The following E2F2 variants were observed in gnomAD, a reference collection of about 807,000 sequenced individuals.
The protein encoded by E2F2 is transcription factor E2F2.
In E2F2, 22 loss-of-function variants were observed where a neutral mutation model predicts 42.2. The ratio of observed to expected loss-of-function variants is 0.52; its 90% CI spans 0.37 to 0.74. The LOEUF is 0.74. E2F2 is among the 30% of genes least tolerant of loss of function. E2F2 has a pLI of 0.00. For synonymous variants in E2F2, 248 were observed against 251.6 expected, an observed-to-expected ratio of 0.99 and a Z score of 0.13; for missense variants, 481 against 557.8, an observed-to-expected ratio of 0.86 and a Z score of 1.39.
At chr1:23,511,866 A>C (rs1430993686) in intron 6 of E2F2, among the ~76,000 whole-genome samples, 1 of 152,152 alleles carries the variant, frequency 6.6e-6, no homozygotes, top group African/African-American at 2.4e-5. Context: ...TACCTACCTC[A>C]AAGGGTTGCT....
At chr1:23,518,902 T>C (rs986170891) in intron 5 of E2F2, 114 bp downstream of exon 5, 55 of 730,882 alleles carry the variant, frequency 7.5e-5, no homozygotes, top group Middle Eastern at 2.5e-4. Flanking sequence ...GACACCACAA[T>C]GGGCCTGCAA....
At chr1:23,519,453 T>C (rs1643093239) in intron 4 of E2F2, 1 of 178,478 alleles carries the variant, frequency 5.6e-6, no homozygotes, top group African/African-American at 2.4e-5. Context: ...TTTCTTTATA[T>C]TTCTCACAAT....
intron 2 of E2F2, among the ~76,000 whole-genome samples, chr1:23,523,989 G>T (rs1643200747): frequency 6.6e-6 from 1 of 151,598 alleles, no homozygotes; most frequent in African/African-American, 2.4e-5. Flanking sequence ...TGAGAGAGTT[G>T]CTTGAACCCC....
In E2F2 at chr1:23,530,551, GC is replaced by G; in HGVS notation, c.242del (p.Gly81AlafsTer65). The G allele has an allele frequency of 6.2e-7, 1 of 1,610,348 alleles. No homozygotes were observed. The highest frequency in any genetic ancestry group is 8.5e-7 in the Non-Finnish European group (1 of 1,178,586). On this transcript the variant is annotated frameshift_variant, in exon 1 of 7. Coordinates refer to ENST00000361729, the MANE Select transcript of E2F2 (RefSeq NM_004091.4). LOFTEE classifies it high-confidence loss of function. This position sits in a 1 kb window ranked among gnomAD's most constrained non-coding sequence, Gnocchi z 4.4. Reference sequence around the variant, plus strand: ...GGGCCCCCAGCATTACCGGCAGCCGGCCTGCCGGCAGGCATCGCACAACTTG... The same window carrying G: ...GGGCCCCCAGCATTACCGGCAGCCGGCTGCCGGCAGGCATCGCACAACTTG... ...EGQVVRCLPA[G>X]RLPAKRKLDL...
intron 4 of E2F2, 124 bp downstream of exon 4, chr1:23,520,789 G>GTCTATTTTTTCT: frequency 4.8e-6 from 5 of 1,036,320 alleles, no homozygotes; most frequent in Non-Finnish European, 6.5e-6. Context: ...GAGAAGAAAA[G>GTCTATTTTTTCT]CCACCCAGGA....
At chr1:23,516,877 TTGGTTCAGGATGGCCCA>T (rs1057342204) in intron 5 of E2F2, among the ~76,000 whole-genome samples, 3 of 151,162 alleles carry the variant, frequency 2.0e-5, no homozygotes, top group Non-Finnish European at 4.4e-5. Context: ...TGTGACATGA[TTGGTTCAGGATGGCCCA>T]TGGCTCAGGT....
intron 1 of E2F2, among the ~76,000 whole-genome samples, chr1:23,526,624 G>A (rs1370810027): frequency 1.3e-5 from 2 of 152,144 alleles, no homozygotes; most frequent in South Asian, 4.1e-4. Context: ...TACCACATCA[G>A]TATTGGCACT....
Position 23,509,847 on chromosome 1 carries a change from C to A in E2F2, c.*33G>T. 6.6e-7 allele frequency: 1 copy of A among 1,519,088 alleles called. No homozygotes were observed. Among genetic ancestry groups the A allele is most frequent in the South Asian group, 1.3e-5 (1 of 76,018 alleles). 94.1% of individuals were successfully genotyped at this position (1,519,088 alleles called of 1,614,324 possible). On this transcript the variant is annotated 3_prime_UTR_variant, in exon 7 of 7. Coordinates refer to ENST00000361729, the MANE Select transcript of E2F2 (RefSeq NM_004091.4). ...CAGCCTGTCTGTGAGGAGGTAGAGTCGGGGGCAGGCTGCTGGGGGCAGGCA... is the reference window on the plus strand; with the variant it reads ...CAGCCTGTCTGTGAGGAGGTAGAGTAGGGGGCAGGCTGCTGGGGGCAGGCA...
At chr1:23,522,861 A>G (rs753668453) in intron 2 of E2F2, among the ~76,000 whole-genome samples, 50 of 152,210 alleles carry the variant, frequency 3.3e-4, no homozygotes, top group Non-Finnish European at 6.6e-4. Flanking sequence ...TGGCCAATCC[A>G]GTAATTCTGG....
chr1:23,527,316 G>T (rs1395035780), intron 1 of E2F2, among the ~76,000 whole-genome samples: 1 of 152,266 alleles, frequency 6.6e-6, no homozygotes. Flanking sequence ...GTTCAAGGGT[G>T]AGCTGAAAAG....
At position 23,530,878 on chromosome 1, in the gene E2F2, C is replaced by CCG; in HGVS notation, c.-87_-86dup. 7.2e-7 allele frequency: 1 copy of CCG among 1,397,306 alleles called. No individual in the cohort carries two copies. Among genetic ancestry groups the CCG allele is most frequent in the Middle Eastern group, 2.7e-4 (1 of 3,762 alleles). 86.6% of individuals were successfully genotyped at this position (1,397,306 alleles called of 1,614,324 possible). A position where few individuals can be genotyped will look rare whatever the true frequency, so the allele number is the denominator to read the frequency against. On this transcript the variant is annotated 5_prime_UTR_variant, in exon 1 of 7. An upstream open reading frame in the 5' UTR loses its in-frame stop. Coordinates refer to ENST00000361729, the MANE Select transcript of E2F2 (RefSeq NM_004091.4). The surrounding 1 kb of genome is among the most constrained non-coding windows in gnomAD (Gnocchi z 4.4). Reference sequence around the variant, plus strand: ...CCGGTGCTGCCGCCTTTCACACGGCCCGCGGCATGGCGCGGAGGCCGGGGG... The same window carrying CCG: ...CCGGTGCTGCCGCCTTTCACACGGCCCGCGCGGCATGGCGCGGAGGCCGGGGG...
chr1:23,516,606 G>A (rs1226742509), intron 5 of E2F2, 79 bp from the exon 6 acceptor site: 3 of 1,210,922 alleles, frequency 2.5e-6, no homozygotes, highest in Non-Finnish European at 3.4e-6. Context: ...AGACGCACGT[G>A]GCTGCTGCCA....
intron 1 of E2F2, among the ~76,000 whole-genome samples, chr1:23,528,364 C>G (rs1643283385): frequency 6.6e-6 from 1 of 152,182 alleles, no homozygotes; most frequent in South Asian, 2.1e-4. Context: ...GCGGCCACAC[C>G]CAGGGTTGGG....
chr1:23,512,077 A>G (rs989123023), intron 6 of E2F2, among the ~76,000 whole-genome samples: 2 of 152,150 alleles, frequency 1.3e-5, no homozygotes, highest in Non-Finnish European at 2.9e-5. Context: ...AGGCATCTGT[A>G]ATCCCAGTTA....
intron 2 of E2F2, 110 bp downstream of exon 2, chr1:23,524,273 A>G: frequency 1.2e-6 from 1 of 843,496 alleles, no homozygotes; most frequent in South Asian, 2.1e-5. Flanking sequence ...ATACGCAGGA[A>G]GCTTTTGTAA....
chr1:23,527,866 G>A (rs540138508), intron 1 of E2F2, among the ~76,000 whole-genome samples: 9 of 152,342 alleles, frequency 5.9e-5, no homozygotes, highest in African/African-American at 1.2e-4. Context: ...AAGGAGGACC[G>A]GGCGTGGTGG....
At chr1:23,519,727 C>T (rs1334355570) in intron 4 of E2F2, among the ~76,000 whole-genome samples, 3 of 152,002 alleles carry the variant, frequency 2.0e-5, no homozygotes, top group Non-Finnish European at 4.4e-5. Context: ...GTCAGGAATT[C>T]AAGACCAGCC....
At chr1:23,505,842 C>A (rs1264970011), downstream of E2F2, among the ~76,000 whole-genome samples, 1 of 151,960 alleles carries the variant, frequency 6.6e-6, no homozygotes, top group Non-Finnish European at 1.5e-5. Flanking sequence ...ACTATGTAGC[C>A]CAGGCTGGAG....
At position 23,514,077 on chromosome 1, in the gene E2F2, T is replaced by C. The variant is rs559455627; in HGVS notation, c.1045+2258A>G. 2.4e-4 allele frequency among the ~76,000 whole-genome samples: 37 copies of C among 151,650 alleles called. 1 individual carries two copies. The highest frequency in any genetic ancestry group is 3.7e-4 in the Non-Finnish European group (25 of 67,920). On this transcript the variant is annotated intron_variant, in intron 6 of 6. Transcript: ENST00000361729. ...AGGCGGAGGTTGCAGTGAGCCAAGATTGTGCCACTGCACTCCAGCCTGGGT... is the reference window on the plus strand; with the variant it reads ...AGGCGGAGGTTGCAGTGAGCCAAGACTGTGCCACTGCACTCCAGCCTGGGT...
Sources: allele counts gnomAD v4.1 joint callset (sites outside exome capture counted in the v4.1 genomes callset), GRCh38; gene constraint gnomAD v4.1.1; non-coding constraint Gnocchi (gnomAD v3.1); transcripts MANE v1.5; gene names NCBI Gene and HGNC (gene_info 2026-07-23, HGNC 2026-07-21).